The following RARB variants were observed in gnomAD, a reference collection of about 807,000 sequenced individuals.
RARB encodes retinoic acid receptor beta.
In RARB, 17 loss-of-function variants were observed where a neutral mutation model predicts 51.9. The ratio of observed to expected loss-of-function variants is 0.33; its 90% CI spans 0.22 to 0.49. The LOEUF (loss-of-function observed/expected upper bound fraction) is 0.49, where lower values mean the gene tolerates loss of function less well. Among genes scored for constraint, RARB ranks in the 20% least tolerant of loss-of-function variants. The probability of loss-of-function intolerance (pLI) is 0.99; values close to 1 mark genes in which losing one functional copy is unlikely to be tolerated. For missense variants in RARB, 369 were observed against 550.8 expected (o/e 0.67, Z 3.30); for synonymous variants, 215 against 195.4 (o/e 1.10, Z -0.84).
At chr3:24,945,129 GT>G (rs1222427721) in intron 2 of RARB, among the ~76,000 whole-genome samples, 1 of 152,102 alleles carries the variant, frequency 6.6e-6, no homozygotes, top group Non-Finnish European at 1.5e-5. Flanking sequence ...GGTAAATTTA[GT>G]TTTTTATAGT....
chr3:24,940,740 G>A (rs1695646966), intron 2 of RARB, among the ~76,000 whole-genome samples: 2 of 152,188 alleles, frequency 1.3e-5, no homozygotes. Context: ...GCAGTGACAG[G>A]AAGTGGGGAA....
intron 5 of RARB, among the ~76,000 whole-genome samples, chr3:25,319,630 T>C (rs1306503968): frequency 1.4e-5 from 2 of 144,874 alleles, no homozygotes; most frequent in African/African-American, 5.0e-5. Flanking sequence ...CATGATTGCA[T>C]GCGTGCATGG....
chr3:25,084,407 T>C (rs1208124648), intron 3 of RARB, among the ~76,000 whole-genome samples: 1 of 152,184 alleles, frequency 6.6e-6, no homozygotes, highest in South Asian at 2.1e-4. Context: ...TATACACAAG[T>C]GTACAAAACT....
intron 5 of RARB, among the ~76,000 whole-genome samples, chr3:25,286,233 C>T (rs965579846): frequency 5.3e-5 from 8 of 152,036 alleles, no homozygotes; most frequent in South Asian, 2.1e-4. Context: ...GGACTACAGG[C>T]GCCCGCCACC....
chr3:25,107,900 A>G (rs1398255930), intron 3 of RARB, among the ~76,000 whole-genome samples: 1 of 151,914 alleles, frequency 6.6e-6, no homozygotes, highest in African/African-American at 2.4e-5. Flanking sequence ...TAAGTAGAGA[A>G]CTTTCTTTTC....
intron 3 of RARB, among the ~76,000 whole-genome samples, chr3:25,513,249 C>T (rs979897933): frequency 4.6e-5 from 7 of 151,756 alleles, no homozygotes; most frequent in East Asian, 3.9e-4. Context: ...ATCGCGCCAC[C>T]GCACTCCAGC....
At chr3:24,903,185 G>T (rs771619135) in intron 2 of RARB, among the ~76,000 whole-genome samples, 16 of 152,144 alleles carry the variant, frequency 1.1e-4, no homozygotes, top group Non-Finnish European at 2.2e-4. Flanking sequence ...ATAACTTGAA[G>T]TGATTTTTTA....
At chr3:24,964,602 G>A (rs2125413657) in intron 2 of RARB, among the ~76,000 whole-genome samples, 1 of 152,310 alleles carries the variant, frequency 6.6e-6, no homozygotes, top group East Asian at 1.9e-4. Flanking sequence ...CAGACATGTA[G>A]ATGGTTTGGT....
intron 3 of RARB, among the ~76,000 whole-genome samples, chr3:25,066,573 G>T (rs1698667023): frequency 6.6e-6 from 1 of 150,946 alleles, no homozygotes; most frequent in African/African-American, 2.5e-5. Context: ...GTGTGTATAT[G>T]TATGTATGCA....
intron 5 of RARB, among the ~76,000 whole-genome samples, chr3:25,177,547 C>T (rs1700780300): frequency 1.3e-5 from 2 of 152,186 alleles, no homozygotes; most frequent in South Asian, 4.1e-4. Context: ...AATAAATTCT[C>T]CTGCCCCTGT....
At chr3:25,441,393 AC>A in intron 1 of RARB, 1 of 235,374 alleles carries the variant, frequency 4.2e-6, no homozygotes. Flanking sequence ...TTCACGGAGT[AC>A]CCCAGTCCCA....
chr3:25,404,821 C>T (rs1197374088), intron 5 of RARB, among the ~76,000 whole-genome samples: 4 of 152,202 alleles, frequency 2.6e-5, no homozygotes, highest in Non-Finnish European at 5.9e-5. Context: ...TACCAAACTC[C>T]TCTTTATACC....
At chr3:25,405,562 G>C (rs1440902255) in intron 5 of RARB, among the ~76,000 whole-genome samples, 1 of 152,198 alleles carries the variant, frequency 6.6e-6, no homozygotes, top group Non-Finnish European at 1.5e-5. Context: ...TCAAGGCAAT[G>C]TGGAGTGAGG....
intron 5 of RARB, among the ~76,000 whole-genome samples, chr3:25,404,229 T>TGAG (rs1707343840): frequency 6.6e-6 from 1 of 152,204 alleles, no homozygotes; most frequent in Non-Finnish European, 1.5e-5. Context: ...TTCTCACTGA[T>TGAG]GAGCAGTCCT....
chr3:24,977,541 C>T (rs1292745858), intron 2 of RARB, among the ~76,000 whole-genome samples: 3 of 152,122 alleles, frequency 2.0e-5, no homozygotes, highest in Non-Finnish European at 4.4e-5. Flanking sequence ...TGGGAGTTCA[C>T]TCATGATTTA....
intron 2 of RARB, among the ~76,000 whole-genome samples, chr3:24,896,693 C>T (rs772575027): frequency 1.3e-5 from 2 of 152,098 alleles, no homozygotes; most frequent in South Asian, 4.1e-4. Flanking sequence ...TATTTTGATA[C>T]AATAAAAAAA....
At chr3:25,592,523 G>C (rs1352643895) in intron 5 of RARB, among the ~76,000 whole-genome samples, 2 of 152,202 alleles carry the variant, frequency 1.3e-5, no homozygotes, top group Admixed American at 6.5e-5. Context: ...CAGCATTTAG[G>C]CTTAATAGGG....
chr3:25,378,781 G>C (rs1183353333), intron 5 of RARB, among the ~76,000 whole-genome samples: 1 of 152,102 alleles, frequency 6.6e-6, no homozygotes, highest in Non-Finnish European at 1.5e-5. Context: ...CAAGGTCTTT[G>C]GTCTGTAAAA....
intron 5 of RARB, among the ~76,000 whole-genome samples, chr3:25,205,301 C>T (rs752660977): frequency 1.3e-5 from 2 of 152,230 alleles, no homozygotes; most frequent in African/African-American, 2.4e-5. Context: ...GGGAGTGACC[C>T]GATTTTCCAG....
Sources: gnomAD v4.1 joint callset for allele counts (sites outside exome capture counted in the v4.1 genomes callset) on GRCh38, gnomAD v4.1.1 for gene constraint, MANE v1.5 for transcripts, NCBI Gene and HGNC (gene_info 2026-07-23, HGNC 2026-07-21) for gene names.